Variants in ADGRL3 observed in about 807,000 individuals in gnomAD.
ADGRL3 encodes adhesion G protein-coupled receptor L3.
ADGRL3 carries 62 observed loss-of-function variants against 153.5 expected under a neutral mutation model. That is an observed-to-expected ratio of 0.40 (90% confidence interval 0.33 to 0.50). ADGRL3 has a LOEUF of 0.50. Ranked by LOEUF, ADGRL3 falls within the 20% of genes least tolerant of loss-of-function variation. ADGRL3 has a pLI of 0.47. For missense variants in ADGRL3, 1,641 were observed against 1,859.4 expected (o/e 0.88, Z 2.16); for synonymous variants, 710 against 672.5 (o/e 1.06, Z -0.86).
At chr4:61,694,861 G>A (rs775292143) in intron 6 of ADGRL3, among the ~76,000 whole-genome samples, 8 of 152,200 alleles carry the variant, frequency 5.3e-5, no homozygotes, top group East Asian at 1.9e-4. Flanking sequence ...CTTTGTTGTC[G>A]TTTTAACAAT....
At chr4:61,399,905 G>A (rs2219342) in intron 2 of ADGRL3, among the ~76,000 whole-genome samples, 137,436 of 151,718 alleles carry the variant, frequency 0.91, 63,502 homozygotes, top group Non-Finnish European at 1. Context: ...TAATTTCTAC[G>A]TTTAAAATGT....
intron 17 of ADGRL3, among the ~76,000 whole-genome samples, chr4:61,972,151 C>A (rs2099030469): frequency 6.6e-6 from 1 of 152,024 alleles, no homozygotes; most frequent in African/African-American, 2.4e-5. Context: ...TGCAGAAGCT[C>A]TTTAGTTTAA....
At chr4:61,764,468 G>T (rs1044387589) in intron 8 of ADGRL3, among the ~76,000 whole-genome samples, 33 of 130,146 alleles carry the variant, frequency 2.5e-4, no homozygotes, top group Non-Finnish European at 1.1e-4. Context: ...GTGCTCAGTG[G>T]GGATGCTTTT....
At chr4:61,371,817 G>A (rs956465273) in intron 1 of ADGRL3, among the ~76,000 whole-genome samples, 4 of 152,118 alleles carry the variant, frequency 2.6e-5, no homozygotes, top group Non-Finnish European at 4.4e-5. Flanking sequence ...ATAATATCCT[G>A]CAGAGTGTTT....
chr4:61,701,455 G>A (rs1320780808), intron 6 of ADGRL3, among the ~76,000 whole-genome samples: 2 of 53,360 alleles, frequency 3.7e-5, no homozygotes, highest in East Asian at 1.3e-3. Flanking sequence ...TTTTTTTTGA[G>A]ATGGAGTCTC....
intron 4 of ADGRL3, among the ~76,000 whole-genome samples, chr4:61,539,756 C>T (rs150594494): frequency 2.6e-5 from 4 of 152,160 alleles, no homozygotes; most frequent in East Asian, 1.9e-4. Context: ...ACTTTCTCCC[C>T]GACAATTTGG....
At chr4:61,622,739 A>G (rs963275721) in intron 5 of ADGRL3, among the ~76,000 whole-genome samples, 9 of 152,106 alleles carry the variant, frequency 5.9e-5, no homozygotes, top group South Asian at 2.1e-4. Context: ...AACGAGGAAA[A>G]TTGATCTCAG....
chr4:61,928,910 T>C (rs1035531724), intron 13 of ADGRL3, among the ~76,000 whole-genome samples: 1 of 152,176 alleles, frequency 6.6e-6, no homozygotes, highest in South Asian at 2.1e-4. Context: ...TAAATATTAA[T>C]GAATACCCAA....
At chr4:61,334,098 G>T (rs183311914) in intron 1 of ADGRL3, among the ~76,000 whole-genome samples, 2 of 152,010 alleles carry the variant, frequency 1.3e-5, no homozygotes, top group South Asian at 4.2e-4. Context: ...TGTATTTTTA[G>T]TAGAGACAGG....
chr4:61,580,882 T>G (rs970211544), intron 4 of ADGRL3, among the ~76,000 whole-genome samples: 5 of 152,044 alleles, frequency 3.3e-5, no homozygotes, highest in Non-Finnish European at 5.9e-5. Flanking sequence ...AATCACATAC[T>G]CATTTATACC....
intron 4 of ADGRL3, among the ~76,000 whole-genome samples, chr4:61,545,353 C>G (rs2098708713): frequency 6.6e-6 from 1 of 152,170 alleles, no homozygotes; most frequent in East Asian, 1.9e-4. Context: ...AAGCTGGGTT[C>G]AGCTCAGGAT....
rs1384273945 is a variant in ADGRL3 at position 62,070,837 on chromosome 4, C to T, written c.4561C>T (p.Pro1521Ser). ...CGGCAGCAGTGATGGATTTATAGTT[C>T]CTCCAAACAAAGATGGGACCCCTCC... ...GRGSSDGFIVPPNKDGTPPEG... is the reference protein window; with the variant it reads ...GRGSSDGFIVSPNKDGTPPEG... Residue 1521 changes from proline to serine, a missense_variant, in exon 27 of 27, where the codon CCT (proline) becomes TCT (serine). Physicochemically the swap from Pro to Ser is moderately conservative, Grantham distance 74. This residue lies in a region of ADGRL3 where 517 missense variants were observed against 555.0 expected (regional missense o/e 0.93). Transcript: ENST00000683033. 1.3e-6 allele frequency: 2 copies of T among 1,551,664 alleles called. No homozygotes were observed. The highest frequency in any genetic ancestry group is 2.4e-5 in the East Asian group (1 of 40,898).
rs141061047 is a variant in ADGRL3 at position 61,952,158 on chromosome 4, G to T, written c.2805+3882G>T. On this transcript the variant is annotated intron_variant, in intron 17 of 26. Coordinates refer to ENST00000683033, the MANE Select transcript of ADGRL3 (RefSeq NM_001387552.1). ...AGTAAAAATGATGGCAAAATTTTTA[G>T]CTACCTTATGTTATTGATCCAAATA... Among the ~76,000 whole-genome samples, 1,164 of 152,152 alleles carry T rather than the reference G, an allele frequency of 7.7e-3. 13 individuals are homozygous for T. Among genetic ancestry groups the T allele is most frequent in the Middle Eastern group, 0.044 (13 of 294 alleles).
intron 1 of ADGRL3, among the ~76,000 whole-genome samples, chr4:61,229,150 T>C (rs184891373): frequency 3.9e-4 from 60 of 152,322 alleles, no homozygotes; most frequent in Admixed American, 2.0e-3. Flanking sequence ...GAGGCTTTGA[T>C]TATTTTAAAG....
intron 8 of ADGRL3, chr4:61,775,521 T>A: frequency 1.3e-6 from 1 of 752,396 alleles, no homozygotes; most frequent in Non-Finnish European, 2.4e-6. Context: ...CCTTAACTAC[T>A]GCACAACTGC....
chr4:62,070,086 T>G lies in ADGRL3; in HGVS notation c.3833-23T>G, dbSNP rs768591385. On this transcript the variant is annotated intron_variant, in intron 26 of 26. Transcript: ENST00000683033. ...TATGGCTTGTTGGATATAAATGTCA[T>G]AGTATCTTGTAATCTTTTTCAGAGG... 11 of 1,589,806 alleles carry G rather than the reference T, an allele frequency of 6.9e-6. No homozygotes were observed. In the East Asian group the frequency reaches 1.1e-4, roughly 16 times the overall value.
chr4:61,648,997 A>T (rs1024919957), intron 5 of ADGRL3, among the ~76,000 whole-genome samples: 2 of 151,790 alleles, frequency 1.3e-5, no homozygotes, highest in East Asian at 3.9e-4. Flanking sequence ...TCTTTAAATT[A>T]TGTTTCCCAG....
intron 4 of ADGRL3, among the ~76,000 whole-genome samples, chr4:61,550,463 A>G (rs1371267213): frequency 6.6e-6 from 1 of 152,052 alleles, no homozygotes; most frequent in Non-Finnish European, 1.5e-5. Flanking sequence ...ACCTTAATTC[A>G]GATATGCATG....
intron 2 of ADGRL3, among the ~76,000 whole-genome samples, chr4:61,462,637 G>A (rs938496381): frequency 3.3e-5 from 5 of 152,098 alleles, no homozygotes; most frequent in Admixed American, 6.6e-5. Context: ...AGTTAACAGA[G>A]GTCGTAATAG....
Sources: gnomAD v4.1 joint callset for allele counts (sites outside exome capture counted in the v4.1 genomes callset) on GRCh38, gnomAD v4.1.1 for gene constraint, gnomAD v4.1.1 regional missense constraint, MANE v1.5 for transcripts, NCBI Gene and HGNC (gene_info 2026-07-23, HGNC 2026-07-21) for gene names.